PTPRD: variants seen among roughly 807,000 people sequenced by gnomAD.
PTPRD encodes protein tyrosine phosphatase receptor type D.
In PTPRD, 34 loss-of-function variants were observed where a neutral mutation model predicts 214.5. The ratio of observed to expected loss-of-function variants is 0.16; its 90% CI spans 0.12 to 0.21. The LOEUF (loss-of-function observed/expected upper bound fraction) is 0.21, where lower values mean the gene tolerates loss of function less well. Ranked by LOEUF, PTPRD falls within the 10% of genes least tolerant of loss-of-function variation. The pLI is 1.00. For missense variants in PTPRD, 2,545 were observed against 2,398.7 expected (o/e 1.06, Z -1.27); for synonymous variants, 1,128 against 845.7 (o/e 1.33, Z -5.79).
At chr9:8,866,864 A>G (rs2041150356) in intron 11 of PTPRD, among the ~76,000 whole-genome samples, 1 of 152,148 alleles carries the variant, frequency 6.6e-6, no homozygotes, top group Non-Finnish European at 1.5e-5. Flanking sequence ...CTTGTACTGA[A>G]TATTCTACTG....
At chr9:8,340,236 C>G (rs1001283086) in intron 42 of PTPRD, 107 bp downstream of exon 42, 16 of 1,332,536 alleles carry the variant, frequency 1.2e-5, no homozygotes, top group Non-Finnish European at 1.5e-5. Flanking sequence ...CCAGAGTGCA[C>G]TGCATTTCAA....
At chr9:9,536,078 TCTGTTA>T (rs1178157299) in intron 8 of PTPRD, among the ~76,000 whole-genome samples, 2 of 152,076 alleles carry the variant, frequency 1.3e-5, no homozygotes, top group African/African-American at 4.8e-5. Context: ...TATAACAGTA[TCTGTTA>T]CTGTTACTAT....
intron 26 of PTPRD, among the ~76,000 whole-genome samples, chr9:8,496,743 G>C (rs1218789212): frequency 6.6e-6 from 1 of 152,122 alleles, no homozygotes; most frequent in Non-Finnish European, 1.5e-5. Flanking sequence ...CAAACAATCT[G>C]ACATCTCCAG....
At chr9:9,406,449 T>G (rs1161549600) in intron 8 of PTPRD, among the ~76,000 whole-genome samples, 2 of 151,848 alleles carry the variant, frequency 1.3e-5, no homozygotes, top group Non-Finnish European at 2.9e-5. Context: ...CAAGAAATAT[T>G]AAGAAAAGCA....
chr9:8,914,783 G>A (rs538386661), intron 11 of PTPRD, among the ~76,000 whole-genome samples: 7 of 152,070 alleles, frequency 4.6e-5, no homozygotes, highest in African/African-American at 1.7e-4. Context: ...ATTTATTCAG[G>A]AGAGACACCA....
chr9:8,410,414 T>A (rs1199003007), intron 35 of PTPRD, among the ~76,000 whole-genome samples: 1 of 152,312 alleles, frequency 6.6e-6, no homozygotes, highest in East Asian at 1.9e-4. Context: ...TGTTCCCTTT[T>A]CCTCTTAATG....
intron 5 of PTPRD, among the ~76,000 whole-genome samples, chr9:9,827,403 G>A (rs1031877108): frequency 2.6e-5 from 4 of 152,078 alleles, no homozygotes; most frequent in African/African-American, 9.7e-5. Flanking sequence ...ACAAGCAATG[G>A]GGAAAGGATT....
intron 14 of PTPRD, among the ~76,000 whole-genome samples, chr9:8,622,746 T>C (rs918085561): frequency 2.6e-5 from 4 of 151,904 alleles, no homozygotes; most frequent in Non-Finnish European, 5.9e-5. Flanking sequence ...CAACATCTCC[T>C]GACATTTCTA....
intron 12 of PTPRD, among the ~76,000 whole-genome samples, chr9:8,686,616 C>T (rs138323704): frequency 5.0e-4 from 76 of 152,230 alleles, no homozygotes; most frequent in Middle Eastern, 3.4e-3. Flanking sequence ...TCCATGTTCA[C>T]ATAGTTGCAA....
At chr9:9,946,451 T>C (rs532089720) in intron 4 of PTPRD, among the ~76,000 whole-genome samples, 134 of 152,252 alleles carry the variant, frequency 8.8e-4, no homozygotes, top group African/African-American at 3.0e-3. Context: ...AAACTCCCTC[T>C]TCAAAGTAGC....
chr9:8,657,746 A>G (rs539600750), intron 12 of PTPRD, among the ~76,000 whole-genome samples: 7 of 152,228 alleles, frequency 4.6e-5, no homozygotes, highest in Admixed American at 2.0e-4. Context: ...GAAAGCATAC[A>G]TTTTACTAAG....
chr9:8,531,125 T>C (rs1347509148), intron 14 of PTPRD, among the ~76,000 whole-genome samples: 2 of 152,078 alleles, frequency 1.3e-5, no homozygotes, highest in Non-Finnish European at 2.9e-5. Flanking sequence ...ATACATTGTT[T>C]TTGTGAATGT....
At chr9:9,565,305 T>C (rs2084170251) in intron 8 of PTPRD, among the ~76,000 whole-genome samples, 1 of 151,886 alleles carries the variant, frequency 6.6e-6, no homozygotes. Flanking sequence ...ATATGCGGTT[T>C]TTAAAATTAA....
intron 8 of PTPRD, among the ~76,000 whole-genome samples, chr9:9,417,045 A>C (rs1159373458): frequency 2.0e-5 from 3 of 152,106 alleles, no homozygotes; most frequent in Admixed American, 6.6e-5. Context: ...AAAAACCTGG[A>C]TATACTGCTT....
chr9:10,261,787 C>CAATAGTA (rs1248193640), intron 3 of PTPRD, among the ~76,000 whole-genome samples: 36 of 152,050 alleles, frequency 2.4e-4, no homozygotes, highest in African/African-American at 8.7e-4. Flanking sequence ...TGGCATAAGG[C>CAATAGTA]AATAGTAAAT....
intron 11 of PTPRD, among the ~76,000 whole-genome samples, chr9:8,793,757 G>T (rs928823270): frequency 6.6e-6 from 1 of 152,082 alleles, no homozygotes; most frequent in African/African-American, 2.4e-5. Flanking sequence ...AATAACGCAA[G>T]TGCTTTATTT....
chr9:8,418,182 A>C (rs945448144), intron 35 of PTPRD, among the ~76,000 whole-genome samples: 1 of 150,476 alleles, frequency 6.6e-6, no homozygotes, highest in Non-Finnish European at 1.5e-5. Context: ...ACTTTTTTGC[A>C]CTGGAATATT....
At chr9:8,374,052 T>C (rs1179271471) in intron 39 of PTPRD, among the ~76,000 whole-genome samples, 1 of 151,460 alleles carries the variant, frequency 6.6e-6, no homozygotes, top group Non-Finnish European at 1.5e-5. Context: ...CAGTGAAAAC[T>C]CCCAAATTAT....
intron 9 of PTPRD, among the ~76,000 whole-genome samples, chr9:9,278,360 C>T (rs1295080486): frequency 6.6e-6 from 1 of 151,164 alleles, no homozygotes; most frequent in Admixed American, 6.6e-5. Context: ...TTCTTATATA[C>T]AGTGGGAAAT....
Sources: allele counts gnomAD v4.1 joint callset (sites outside exome capture counted in the v4.1 genomes callset), GRCh38; gene constraint gnomAD v4.1.1; transcripts MANE v1.5; gene names NCBI Gene and HGNC (gene_info 2026-07-23, HGNC 2026-07-21).